The following CCDC178 variants were observed in gnomAD, a reference collection of about 807,000 sequenced individuals.
The protein encoded by CCDC178 is coiled-coil domain containing 178, also known as coiled-coil domain-containing protein 178.
Under a neutral mutation model 117.4 loss-of-function variants are expected in CCDC178, and 126 were observed. The observed-to-expected ratio is 1.07, with a 90% CI of 0.93 to 1.24. The LOEUF (loss-of-function observed/expected upper bound fraction) is 1.24. Among genes scored for constraint, CCDC178 ranks in the 50% most tolerant of loss-of-function variants. The pLI is 0.00. For missense variants in CCDC178, 1,030 were observed against 986.9 expected, an observed-to-expected ratio of 1.04 and a Z score of -0.59; for synonymous variants, 283 against 313.4, an observed-to-expected ratio of 0.90 and a Z score of 1.02.
intron 20 of CCDC178, among the ~76,000 whole-genome samples, chr18:33,142,102 CTG>C (rs1299023954): frequency 6.6e-6 from 1 of 152,198 alleles, no homozygotes; most frequent in Non-Finnish European, 1.5e-5. Context: ...CTGAACACGA[CTG>C]TAATCAAGAC....
chr18:33,325,534 A>C (rs1342975392), intron 10 of CCDC178, among the ~76,000 whole-genome samples: 1 of 152,096 alleles, frequency 6.6e-6, no homozygotes, highest in Non-Finnish European at 1.5e-5. Flanking sequence ...ATTTAATTTA[A>C]AAATTTCCCT....
At chr18:33,355,014 T>C (rs1302489655) in intron 7 of CCDC178, among the ~76,000 whole-genome samples, 1 of 152,210 alleles carries the variant, frequency 6.6e-6, no homozygotes, top group Non-Finnish European at 1.5e-5. Flanking sequence ...CATGGTTTCC[T>C]TTATCTCTTT....
Position 33,145,267 on chromosome 18 carries a change from T to C in CCDC178, c.2239-52357A>G, listed in dbSNP as rs573897828. 5.3e-5 allele frequency among the ~76,000 whole-genome samples: 8 copies of C among 152,320 alleles called. No individual in the cohort carries two copies. The South Asian group carries it at 1.7e-3, about 32-fold the overall frequency. ...CACGATTCCATTTATAAACCTTCTT[T>C]TCAAATTGGGGTTATTCATTTTTTC... On this transcript the variant is annotated intron_variant, in intron 20 of 22. Transcript: ENST00000383096.
At chr18:32,951,926 C>T (rs942064048) in intron 22 of CCDC178, among the ~76,000 whole-genome samples, 1 of 152,186 alleles carries the variant, frequency 6.6e-6, no homozygotes, top group South Asian at 2.1e-4. Flanking sequence ...GTCCAAAATC[C>T]AATAGGGCAG....
chr18:33,284,462 T>C (rs1469455353), intron 12 of CCDC178, among the ~76,000 whole-genome samples: 1 of 152,176 alleles, frequency 6.6e-6, no homozygotes, highest in African/African-American at 2.4e-5. Context: ...AGTTTTTATG[T>C]CATGAAAGAA....
Position 33,389,647 on chromosome 18 carries a change from T to A in CCDC178, c.119-18A>T, listed in dbSNP as rs1468216995. 19 of 1,340,420 alleles carry A rather than the reference T, an allele frequency of 1.4e-5. No homozygotes were observed. The highest frequency in any genetic ancestry group is 1.9e-5 in the Non-Finnish European group (19 of 993,458). The allele number at this position is 1,340,420 out of a possible 1,614,324, so 83.0% of individuals were successfully genotyped here. A position where few individuals can be genotyped will look rare whatever the true frequency, so the allele number is the denominator to read the frequency against. On this transcript the variant is annotated intron_variant, in intron 4 of 22. Coordinates refer to ENST00000383096, the MANE Select transcript of CCDC178 (RefSeq NM_001105528.4). ...GGCATTGCCTTTTAAAAAGAAAAAA[T>A]ACATATTTTAGTGAGTAGTTAATAT...
chr18:33,110,097 T>G (rs2145127982), intron 20 of CCDC178, among the ~76,000 whole-genome samples: 1 of 151,746 alleles, frequency 6.6e-6, no homozygotes, highest in South Asian at 2.1e-4. Context: ...TTTTAATCAT[T>G]TAGAGAAGTG....
chr18:33,182,541 T>C (rs899508733), intron 20 of CCDC178, among the ~76,000 whole-genome samples: 14 of 151,966 alleles, frequency 9.2e-5, no homozygotes, highest in African/African-American at 3.4e-4. Context: ...ATCTTTCAAA[T>C]CTTTGGTGCT....
At chr18:33,055,649 G>A (rs562806566) in intron 21 of CCDC178, among the ~76,000 whole-genome samples, 2 of 152,176 alleles carry the variant, frequency 1.3e-5, no homozygotes, top group East Asian at 3.9e-4. Flanking sequence ...CTTTATGAAT[G>A]TTCTCTAACA....
At chr18:33,074,783 T>C (rs1395816991) in intron 21 of CCDC178, among the ~76,000 whole-genome samples, 1 of 152,122 alleles carries the variant, frequency 6.6e-6, no homozygotes, top group African/African-American at 2.4e-5. Flanking sequence ...AATTGACAAA[T>C]GGTACTTCAA....
At chr18:32,947,830 A>C (rs1761781464) in intron 22 of CCDC178, among the ~76,000 whole-genome samples, 1 of 152,128 alleles carries the variant, frequency 6.6e-6, no homozygotes. Flanking sequence ...AAGTTTTATA[A>C]TTTTAGATTC....
chr18:33,386,187 A>T (rs1257096648), intron 5 of CCDC178, among the ~76,000 whole-genome samples: 1 of 152,150 alleles, frequency 6.6e-6, no homozygotes, highest in Non-Finnish European at 1.5e-5. Context: ...GACCAATAAC[A>T]AGTTCTGAAA....
chr18:33,337,426 A>T (rs1288371583), intron 9 of CCDC178, among the ~76,000 whole-genome samples: 2 of 152,060 alleles, frequency 1.3e-5, no homozygotes, highest in Non-Finnish European at 2.9e-5. Flanking sequence ...TGCTCTGGCT[A>T]GGACTTCCAG....
chr18:33,185,884 T>G (rs751169323), intron 20 of CCDC178, among the ~76,000 whole-genome samples: 5 of 151,870 alleles, frequency 3.3e-5, no homozygotes. Flanking sequence ...CACCAGAATA[T>G]CTCTAGAGTG....
chr18:33,289,812 G>A (rs1260678184), intron 12 of CCDC178, among the ~76,000 whole-genome samples: 1 of 151,952 alleles, frequency 6.6e-6, no homozygotes, highest in African/African-American at 2.4e-5. Flanking sequence ...ATAAAATGAT[G>A]GAAAATTGAA....
intron 2 of CCDC178, among the ~76,000 whole-genome samples, chr18:33,432,897 T>C (rs2064240865): frequency 6.6e-6 from 1 of 152,224 alleles, no homozygotes; most frequent in Non-Finnish European, 1.5e-5. Context: ...TATTAAGGCA[T>C]ATGAAATATG....
chr18:33,272,993 T>C (rs1045803973), intron 12 of CCDC178, among the ~76,000 whole-genome samples: 1 of 151,178 alleles, frequency 6.6e-6, no homozygotes, highest in Non-Finnish European at 1.5e-5. Context: ...TTGCTCTTAT[T>C]GTCTTTTTTT....
At position 33,302,562 on chromosome 18, in the gene CCDC178, C is replaced by T. The variant is rs558932079; in HGVS notation, c.1023-9250G>A. On this transcript the variant is annotated intron_variant, in intron 11 of 22. Transcript: ENST00000383096. ...ATCAGTATTGAAGAACTCATATGCA[C>T]GCCCATGTTCATCACTACACTATGC... Among the ~76,000 whole-genome samples, 13 of 152,198 alleles carry T rather than the reference C, an allele frequency of 8.5e-5. No individual in the cohort carries two copies. In the East Asian group the frequency reaches 9.7e-4, roughly 11 times the overall value.
intron 11 of CCDC178, among the ~76,000 whole-genome samples, chr18:33,297,303 A>ATT (rs1185159977): frequency 1.3e-5 from 2 of 152,090 alleles, no homozygotes; most frequent in Non-Finnish European, 2.9e-5. Context: ...AACCAAAATT[A>ATT]CAATAAGTAG....
Sources: gnomAD v4.1 joint callset for allele counts (sites outside exome capture counted in the v4.1 genomes callset) on GRCh38, gnomAD v4.1.1 for gene constraint, MANE v1.5 for transcripts, NCBI Gene and HGNC (gene_info 2026-07-23, HGNC 2026-07-21) for gene names.